Variants in PTPRG observed in about 807,000 individuals in gnomAD.
The protein encoded by PTPRG is receptor-type tyrosine-protein phosphatase gamma.
Under a neutral mutation model 165.3 loss-of-function variants are expected in PTPRG, and 102 were observed. The observed-to-expected ratio is 0.62, with a 90% confidence interval of 0.53 to 0.73. The LOEUF is 0.73. Among genes scored for constraint, PTPRG ranks in the 30% least tolerant of loss-of-function variants. The pLI is 0.00. For missense variants in PTPRG, 1,866 were observed against 1,861.4 expected (o/e 1.00, Z -0.05); for synonymous variants, 675 against 669.5 (o/e 1.01, Z -0.13).
chr3:62,067,246 T>C (rs1236676425), intron 4 of PTPRG, among the ~76,000 whole-genome samples: 2 of 126,666 alleles, frequency 1.6e-5, no homozygotes, highest in Non-Finnish European at 3.4e-5. Flanking sequence ...TCTGGGTGGA[T>C]AATTCTTTTC....
intron 2 of PTPRG, among the ~76,000 whole-genome samples, chr3:61,836,063 A>G (rs71619267): frequency 4.4e-5 from 1 of 22,638 alleles, no homozygotes; most frequent in Non-Finnish European, 1.2e-4. Flanking sequence ...CCCCCCCACC[A>G]AAAAAAAAAA....
In PTPRG at chr3:62,222,008, T is replaced by C. The variant is rs1367655094; in HGVS notation, c.2288+3025T>C. The stretch of plus-strand genomic sequence containing the variant: ...TCATGTGATTCTCACAACAGATCTG[T>C]ACGGTAGGTACTATCACTGTCCTTT... On this transcript the variant is annotated intron_variant, in intron 13 of 29. Coordinates refer to ENST00000474889, the MANE Select transcript of PTPRG (RefSeq NM_002841.4). This position sits in a 1 kb window ranked among gnomAD's most constrained non-coding sequence, Gnocchi z 4.5. 6.6e-6 allele frequency among the ~76,000 whole-genome samples: 1 copy of C among 152,242 alleles called. No homozygotes were observed. Among genetic ancestry groups the C allele is most frequent in the Admixed American group, 6.5e-5 (1 of 15,288 alleles).
intron 1 of PTPRG, among the ~76,000 whole-genome samples, chr3:61,679,448 A>C (rs886978080): frequency 6.6e-6 from 1 of 152,218 alleles, no homozygotes; most frequent in Non-Finnish European, 1.5e-5. Flanking sequence ...TGGTCAGTAC[A>C]TGCAGAACCT....
intron 1 of PTPRG, among the ~76,000 whole-genome samples, chr3:61,594,408 AGG>A (rs1193834445): frequency 6.6e-6 from 1 of 151,968 alleles, no homozygotes; most frequent in African/African-American, 2.4e-5. Flanking sequence ...GATAGGCTCA[AGG>A]AAAGTAGGTC....
intron 2 of PTPRG, among the ~76,000 whole-genome samples, chr3:61,788,077 C>T (rs971344058): frequency 6.6e-6 from 1 of 152,164 alleles, no homozygotes; most frequent in Non-Finnish European, 1.5e-5. Context: ...TTGTGTCTAC[C>T]TGTCCTCAAA....
intron 1 of PTPRG, among the ~76,000 whole-genome samples, chr3:61,719,963 T>C (rs2031979629): frequency 6.6e-6 from 1 of 152,238 alleles, no homozygotes; most frequent in Admixed American, 6.5e-5. Flanking sequence ...CTGGCCGCTC[T>C]TGCTCACTTT....
At chr3:61,915,085 C>G (rs1319222544) in intron 2 of PTPRG, among the ~76,000 whole-genome samples, 1 of 152,046 alleles carries the variant, frequency 6.6e-6, no homozygotes, top group Non-Finnish European at 1.5e-5. Flanking sequence ...AAAAATTAGC[C>G]GGGCGTGGTG....
intron 4 of PTPRG, among the ~76,000 whole-genome samples, chr3:62,007,651 G>T (rs1331825278): frequency 6.6e-6 from 1 of 152,184 alleles, no homozygotes; most frequent in Admixed American, 6.5e-5. Flanking sequence ...CACTCCAGTG[G>T]TGACACAGAA....
At chr3:62,103,558 C>T (rs1315698100) in intron 5 of PTPRG, among the ~76,000 whole-genome samples, 1 of 152,196 alleles carries the variant, frequency 6.6e-6, no homozygotes, top group Non-Finnish European at 1.5e-5. Flanking sequence ...TTCTAGTTTG[C>T]TCCATCTCCT....
intron 2 of PTPRG, among the ~76,000 whole-genome samples, chr3:61,891,048 G>T (rs775773004): frequency 6.6e-6 from 1 of 152,034 alleles, no homozygotes; most frequent in African/African-American, 2.4e-5. Flanking sequence ...GGCTGGTTGC[G>T]GTGGCTCATG....
At chr3:61,992,287 G>T (rs956930840) in intron 3 of PTPRG, among the ~76,000 whole-genome samples, 113 of 151,744 alleles carry the variant, frequency 7.4e-4, no homozygotes, top group African/African-American at 2.6e-3. Flanking sequence ...TTTAACTTAT[G>T]GTGGTTTAGA....
chr3:61,720,792 T>G (rs560209632), intron 1 of PTPRG, among the ~76,000 whole-genome samples: 5 of 152,202 alleles, frequency 3.3e-5, no homozygotes, highest in South Asian at 4.1e-4. Context: ...TGACCTCCAT[T>G]GATGGATTAA....
At chr3:62,138,452 C>T (rs1452360565) in intron 6 of PTPRG, among the ~76,000 whole-genome samples, 1 of 152,156 alleles carries the variant, frequency 6.6e-6, no homozygotes, top group African/African-American at 2.4e-5. Context: ...GGTGCAGTGG[C>T]TCATGCCTAT....
chr3:62,130,784 T>G (rs546623132), intron 5 of PTPRG, among the ~76,000 whole-genome samples: 49 of 152,306 alleles, frequency 3.2e-4, no homozygotes, highest in Non-Finnish European at 6.3e-4. Flanking sequence ...TCTAATGCAA[T>G]TTTGATTTGG....
intron 2 of PTPRG, among the ~76,000 whole-genome samples, chr3:61,946,856 C>A (rs1289579077): frequency 6.6e-6 from 1 of 152,168 alleles, no homozygotes; most frequent in Non-Finnish European, 1.5e-5. Context: ...GGTATCTTCC[C>A]TCTTCTAGAA....
intron 5 of PTPRG, chr3:62,124,750 G>T: frequency 2.0e-6 from 1 of 500,760 alleles, no homozygotes; most frequent in African/African-American, 1.9e-5. Flanking sequence ...TTCTTTTCTA[G>T]AGATGTTGTG....
At chr3:61,615,337 T>C (rs4688643) in intron 1 of PTPRG, among the ~76,000 whole-genome samples, 88,543 of 152,108 alleles carry the variant, frequency 0.58, 29,143 homozygotes, top group South Asian at 0.82. Context: ...TCGATACTTT[T>C]GAAGGTAACA....
intron 6 of PTPRG, among the ~76,000 whole-genome samples, chr3:62,145,591 C>A (rs893375966): frequency 6.6e-6 from 1 of 152,108 alleles, no homozygotes; most frequent in Non-Finnish European, 1.5e-5. Context: ...TAGCCAGTTT[C>A]TTTTGAGATC....
At chr3:62,036,983 G>GCACA (rs10587372) in intron 4 of PTPRG, among the ~76,000 whole-genome samples, 17,323 of 150,468 alleles carry the variant, frequency 0.12, 1,197 homozygotes, top group African/African-American at 0.19. Context: ...GCGCGCGCAC[G>GCACA]CACACACACA....
Sources: allele counts gnomAD v4.1 joint callset (sites outside exome capture counted in the v4.1 genomes callset), GRCh38; gene constraint gnomAD v4.1.1; non-coding constraint Gnocchi (gnomAD v3.1); transcripts MANE v1.5; gene names NCBI Gene and HGNC (gene_info 2026-07-23, HGNC 2026-07-21).